Variants in LMX1A observed in about 807,000 individuals in gnomAD.
LMX1A encodes the protein LIM homeobox transcription factor 1-alpha.
Under a neutral mutation model 49.1 loss-of-function variants are expected in LMX1A, and 15 were observed. The observed-to-expected ratio is 0.31, with a 90% CI of 0.20 to 0.47. The LOEUF is 0.47. Ranked by LOEUF, LMX1A falls within the 20% of genes least tolerant of loss-of-function variation. The pLI is 1.00. For missense variants in LMX1A, 372 were observed against 475.8 expected, an observed-to-expected ratio of 0.78 and a Z score of 2.03; for synonymous variants, 167 against 185.7, an observed-to-expected ratio of 0.90 and a Z score of 0.82.
intron 3 of LMX1A, among the ~76,000 whole-genome samples, chr1:165,316,332 G>A (rs1033561183): frequency 3.9e-5 from 6 of 152,226 alleles, no homozygotes; most frequent in African/African-American, 1.4e-4. Flanking sequence ...GCAGAGCAGA[G>A]AGGCCTGGGA....
At chr1:165,273,471 C>A (rs1395782476) in intron 3 of LMX1A, among the ~76,000 whole-genome samples, 2 of 152,208 alleles carry the variant, frequency 1.3e-5, no homozygotes, top group African/African-American at 4.8e-5. Context: ...TCAAGAAAGT[C>A]AGGTGAACCA....
At position 165,288,686 on chromosome 1, in the gene LMX1A, C is replaced by T. The variant is rs924716503; in HGVS notation, c.264-39046G>A. On this transcript the variant is annotated intron_variant, in intron 3 of 8. Transcript: ENST00000342310. ...TGTTCAAACATCTGTATGAGGTACA[C>T]CGTGTGTGTGTGCGTGTGTATGCGT... Among the ~76,000 whole-genome samples the T allele has an allele frequency of 2.6e-5, 4 of 152,212 alleles. No individual in the cohort carries two copies. In the East Asian group the frequency reaches 7.7e-4, roughly 29 times the overall value.
At chr1:165,231,892 G>A (rs369209329) in intron 4 of LMX1A, among the ~76,000 whole-genome samples, 22 of 124,020 alleles carry the variant, frequency 1.8e-4, no homozygotes, top group East Asian at 5.8e-4. Context: ...ACAAATCTGC[G>A]ATTCCTGGGA....
chr1:165,286,742 G>A (rs1298061190), intron 3 of LMX1A, among the ~76,000 whole-genome samples: 1 of 151,308 alleles, frequency 6.6e-6, no homozygotes, highest in African/African-American at 2.4e-5. Context: ...AAATCATATA[G>A]ATTATGTTTG....
chr1:165,288,077 A>G (rs917674274), intron 3 of LMX1A, among the ~76,000 whole-genome samples: 1 of 152,276 alleles, frequency 6.6e-6, no homozygotes, highest in Non-Finnish European at 1.5e-5. Context: ...CACTAGGCTG[A>G]AAACCGCTGT....
rs573266829 is a variant in LMX1A at position 165,356,177 on chromosome 1, G to A, written c.-23+178C>T. On this transcript the variant is annotated intron_variant, in intron 1 of 8. Coordinates refer to ENST00000342310, the MANE Select transcript of LMX1A (RefSeq NM_177398.4). ...GGGGTGCGCGCAGGAGCCGGTGTGC[G>A]GGGCGCGCGGGGAGGTCCTCCCGCC... 3 of 152,482 alleles carry A rather than the reference G, an allele frequency of 2.0e-5. No individual in the cohort carries two copies. In the East Asian group the frequency reaches 5.8e-4, roughly 30 times the overall value. 9.4% of individuals were successfully genotyped at this position (152,482 alleles called of 1,614,324 possible).
chr1:165,234,300 T>C (rs768277724), intron 4 of LMX1A, among the ~76,000 whole-genome samples: 18 of 152,204 alleles, frequency 1.2e-4, no homozygotes, highest in Non-Finnish European at 2.1e-4. Context: ...GCAAGTTACC[T>C]ACTCTGCCAA....
chr1:165,243,196 TA>T (rs904763748), intron 4 of LMX1A, among the ~76,000 whole-genome samples: 3 of 152,176 alleles, frequency 2.0e-5, no homozygotes, highest in African/African-American at 7.2e-5. Flanking sequence ...TTTGTAAATT[TA>T]AAAAACATTT....
chr1:165,208,709 C>G (rs537971916), intron 6 of LMX1A, among the ~76,000 whole-genome samples: 4 of 151,442 alleles, frequency 2.6e-5, no homozygotes, highest in East Asian at 1.9e-4. Context: ...TGCAGTGGCG[C>G]GATCTCGGCT....
chr1:165,323,846 A>T (rs1311013334), intron 3 of LMX1A, among the ~76,000 whole-genome samples: 1 of 123,816 alleles, frequency 8.1e-6, no homozygotes, highest in Non-Finnish European at 1.9e-5. Context: ...ATTGTAAAAT[A>T]CCAAAGGCAA....
intron 3 of LMX1A, among the ~76,000 whole-genome samples, chr1:165,280,833 C>T (rs1654124451): frequency 2.0e-5 from 3 of 152,114 alleles, no homozygotes. Flanking sequence ...CCACCCCACC[C>T]CCACCGCATG....
chr1:165,310,615 G>C lies in LMX1A; in HGVS notation c.263+42461C>G, dbSNP rs185808628. On this transcript the variant is annotated intron_variant, in intron 3 of 8. Coordinates refer to ENST00000342310, the MANE Select transcript of LMX1A (RefSeq NM_177398.4). Reference sequence around the variant, plus strand: ...GAAGGCTCATGCATCCAATGGGGTGGAGATGCAGATGTTGCCTAGGCACTG... The same window carrying C: ...GAAGGCTCATGCATCCAATGGGGTGCAGATGCAGATGTTGCCTAGGCACTG... Among the ~76,000 whole-genome samples, 179 of 152,340 alleles carry C rather than the reference G, an allele frequency of 1.2e-3. 1 individual carries two copies. Among genetic ancestry groups the C allele is most frequent in the African/African-American group, 3.8e-3 (158 of 41,578 alleles).
At chr1:165,344,190 A>C (rs1395548) in intron 3 of LMX1A, among the ~76,000 whole-genome samples, 84,352 of 152,154 alleles carry the variant, frequency 0.55, 24,526 homozygotes, top group East Asian at 0.78. Context: ...ACTCCAGCCA[A>C]AAAGAGGAGA....
chr1:165,261,103 C>A (rs1451535416), intron 3 of LMX1A, among the ~76,000 whole-genome samples: 1 of 152,272 alleles, frequency 6.6e-6, no homozygotes, highest in South Asian at 2.1e-4. Context: ...AGCTCAGGGT[C>A]CTGAATCCCC....
rs1374810797 is a variant in LMX1A at position 165,341,588 on chromosome 1, A to G, written c.263+11488T>C. ...TAGTGACATAGACAGACAATAAACC[A>G]AATATATATATATATATATATATTT... On this transcript the variant is annotated intron_variant, in intron 3 of 8. Coordinates refer to ENST00000342310, the MANE Select transcript of LMX1A (RefSeq NM_177398.4). Among the ~76,000 whole-genome samples the G allele has an allele frequency of 1.9e-4, 3 of 15,460 alleles. No homozygotes were observed. In the East Asian group the frequency reaches 4.1e-3, roughly 21 times the overall value. 10.1% of individuals were successfully genotyped at this position (15,460 alleles called of 152,430 possible).
At chr1:165,313,713 C>T (rs1261355507) in intron 3 of LMX1A, among the ~76,000 whole-genome samples, 1 of 152,110 alleles carries the variant, frequency 6.6e-6, no homozygotes, top group Admixed American at 6.5e-5. Context: ...GCCTTCAGCT[C>T]TTCTGCCAGT....
intron 6 of LMX1A, among the ~76,000 whole-genome samples, chr1:165,209,820 T>C (rs746007980): frequency 1.1e-4 from 16 of 152,228 alleles, no homozygotes; most frequent in Non-Finnish European, 2.1e-4. Context: ...GGAATCCCAA[T>C]TTATAGCCAG....
At chr1:165,280,404 A>C (rs769478106) in intron 3 of LMX1A, among the ~76,000 whole-genome samples, 28 of 152,150 alleles carry the variant, frequency 1.8e-4, no homozygotes, top group Non-Finnish European at 3.5e-4. Context: ...CATCATCTGA[A>C]GCCAGCCTCT....
intron 4 of LMX1A, among the ~76,000 whole-genome samples, chr1:165,247,942 T>G (rs1652916543): frequency 6.6e-6 from 1 of 152,240 alleles, no homozygotes; most frequent in African/African-American, 2.4e-5. Flanking sequence ...CATGTGTTTA[T>G]TCACTCTTTA....
Sources: gnomAD v4.1 joint callset for allele counts (sites outside exome capture counted in the v4.1 genomes callset) on GRCh38, gnomAD v4.1.1 for gene constraint, MANE v1.5 for transcripts, NCBI Gene and HGNC (gene_info 2026-07-23, HGNC 2026-07-21) for gene names.